ALG5: variants seen among roughly 807,000 people sequenced by gnomAD.
ALG5 encodes the protein ALG5 dolichyl-phosphate beta-glucosyltransferase, also known as dolichyl-phosphate beta-glucosyltransferase.
ALG5 carries 26 observed loss-of-function variants against 51.8 expected under a neutral mutation model. The observed-to-expected ratio is 0.50, with a 90% confidence interval of 0.37 to 0.70. The LOEUF (loss-of-function observed/expected upper bound fraction) is 0.70. Among genes scored for constraint, ALG5 ranks in the 30% least tolerant of loss-of-function variants. The pLI is 0.00. For synonymous variants in ALG5, 141 were observed against 136.1 expected, an observed-to-expected ratio of 1.04 and a Z score of -0.25; for missense variants, 311 against 399.3, an observed-to-expected ratio of 0.78 and a Z score of 1.88.
At chr13:36,978,212 G>T (rs1470249549) in intron 6 of ALG5, among the ~76,000 whole-genome samples, 2 of 146,716 alleles carry the variant, frequency 1.4e-5, no homozygotes, top group African/African-American at 5.0e-5. Flanking sequence ...TTTTGAGACG[G>T]AATCTCACTC....
In ALG5 at chr13:36,972,021, C is replaced by A. The variant is rs1330880391; in HGVS notation, c.577G>T (p.Ala193Ser). Residue 193 changes from alanine to serine, a missense_variant, in exon 7 of 10, where the codon GCA (alanine) becomes TCA (serine). By Grantham distance (99) the Ala-to-Ser change is moderately conservative (BLOSUM62 1). Transcript: ENST00000239891. ...LQPWPNQMAIACGSRAHLEKE... is the reference protein window; with the variant it reads ...LQPWPNQMAISCGSRAHLEKE... Reference sequence around the variant, plus strand: ...TCTAAATGAGCTCGAGATCCACATGCTATAGCCATTTGATTCTGAGGGAAA... The same window carrying A: ...TCTAAATGAGCTCGAGATCCACATGATATAGCCATTTGATTCTGAGGGAAA... 6.3e-7 allele frequency: 1 copy of A among 1,597,398 alleles called. No homozygotes were observed. Among genetic ancestry groups the A allele is most frequent in the East Asian group, 2.2e-5 (1 of 44,510 alleles).
chr13:36,999,314 G>A lies in ALG5; in HGVS notation c.-14C>T, dbSNP rs755285334. 6.4e-7 allele frequency: 1 copy of A among 1,567,372 alleles called. No individual in the cohort carries two copies. The highest frequency in any genetic ancestry group is 8.6e-7 in the Non-Finnish European group (1 of 1,160,020). ...AAGCGGAGCCATTCTCCATGCCGTGGCAGCCCGCCCAATCCCGCACCTCCA... is the reference window on the plus strand; with the variant it reads ...AAGCGGAGCCATTCTCCATGCCGTGACAGCCCGCCCAATCCCGCACCTCCA... On this transcript the variant is annotated 5_prime_UTR_variant, in exon 1 of 10. Coordinates refer to ENST00000239891, the MANE Select transcript of ALG5 (RefSeq NM_013338.5).
chr13:36,978,658 T>A (rs547245224), intron 6 of ALG5, among the ~76,000 whole-genome samples: 38 of 151,794 alleles, frequency 2.5e-4, no homozygotes, highest in African/African-American at 9.2e-4. Flanking sequence ...ACGCCTGTAA[T>A]CCCAGCATTT....
intron 9 of ALG5, among the ~76,000 whole-genome samples, chr13:36,952,171 T>A (rs1256108943): frequency 2.0e-5 from 3 of 152,168 alleles, no homozygotes; most frequent in African/African-American, 4.8e-5. Flanking sequence ...AAAAAAAATA[T>A]AGGAAATGGT....
chr13:36,974,328 T>C (rs369784038), intron 6 of ALG5, among the ~76,000 whole-genome samples: 10 of 152,340 alleles, frequency 6.6e-5, no homozygotes, highest in African/African-American at 2.4e-4. Context: ...CATTTGAATT[T>C]TGAATGACTA....
chr13:36,997,094 TAGA>T (rs1418993368), intron 1 of ALG5, among the ~76,000 whole-genome samples: 3 of 152,304 alleles, frequency 2.0e-5, no homozygotes, highest in East Asian at 3.9e-4. Context: ...AAATTTGAGA[TAGA>T]AGATGTTAAA....
chr13:36,972,654 G>T (rs1221997693), intron 6 of ALG5, among the ~76,000 whole-genome samples: 1 of 152,126 alleles, frequency 6.6e-6, no homozygotes, highest in Non-Finnish European at 1.5e-5. Flanking sequence ...ACACACAGAA[G>T]GTCTTGTCAT....
chr13:36,990,744 T>C (rs2059021790), intron 4 of ALG5, among the ~76,000 whole-genome samples: 1 of 46,442 alleles, frequency 2.2e-5, no homozygotes, highest in African/African-American at 4.4e-5. Flanking sequence ...GGCATCATCA[T>C]CTACTAAGTT....
Position 36,965,589 on chromosome 13 carries a change from T to C in ALG5, c.759A>G (p.Leu253=). 2.5e-6 allele frequency: 4 copies of C among 1,613,798 alleles called. No individual in the cohort carries two copies. In the East Asian group the frequency reaches 8.9e-5, roughly 36 times the overall value. The stretch of plus-strand genomic sequence containing the variant: ...CAGAAACCTACCATCGTTCAACGTG[T>C]AGAGATGAAAACGTCCGTGAAGCTG... ...REAASRTFSS[L]HVERWAFDVE... The change falls in exon 8 of 10, where the codon CTA becomes CTG. Residue 253 remains leucine (L), a synonymous_variant. Transcript: ENST00000239891.
rs531296069 is a variant in ALG5, at chr13:36,984,572, T to G, written c.561+1055A>C. Among the ~76,000 whole-genome samples the G allele has an allele frequency of 1.1e-4, 16 of 152,352 alleles. 1 individual carries two copies. The highest frequency in any genetic ancestry group is 3.8e-4 in the African/African-American group (16 of 41,588). On this transcript the variant is annotated intron_variant, in intron 6 of 9. Transcript: ENST00000239891. ...TTTGTATGCAACTTTAATTCTTTTT[T>G]GTGTAATTATATGTTGGTGTGATTG... is the stretch of plus-strand genomic sequence containing the variant.
chr13:36,967,241 AAAAAG>A (rs1172853816), intron 7 of ALG5, among the ~76,000 whole-genome samples: 18 of 151,782 alleles, frequency 1.2e-4, no homozygotes, highest in Admixed American at 2.0e-4. Flanking sequence ...AAAAAAAGAA[AAAAAG>A]AAAAGAAAAG....
chr13:36,994,966 T>A, intron 3 of ALG5, 23 bp downstream of exon 3: 1 of 1,602,702 alleles, frequency 6.2e-7, no homozygotes, highest in South Asian at 1.1e-5. Flanking sequence ...GGAGATATCA[T>A]ATTAAAAGAG....
At chr13:36,983,410 A>G (rs971133987) in intron 6 of ALG5, among the ~76,000 whole-genome samples, 1 of 152,196 alleles carries the variant, frequency 6.6e-6, no homozygotes, top group African/African-American at 2.4e-5. Flanking sequence ...CAATAAATTC[A>G]TATCATGTTA....
intron 7 of ALG5, chr13:36,967,622 C>G: frequency 3.0e-6 from 1 of 328,432 alleles, no homozygotes; most frequent in Admixed American, 3.9e-5. Context: ...TAGCACTTCT[C>G]ATTTATCATC....
Position 36,985,745 on chromosome 13 carries a change from AT to A in ALG5, c.448-6del, listed in dbSNP as rs2058999294. On this transcript the variant is annotated splice_polypyrimidine_tract_variant and splice_region_variant and intron_variant, in intron 5 of 9. Coordinates refer to ENST00000239891, the MANE Select transcript of ALG5 (RefSeq NM_013338.5). ...TCCTCGAGAACTGAATATACCCTGT[AT>A]TTTAAAATTTCAAGTCAAAGAAAAT... The A allele has an allele frequency of 3.1e-6, 5 of 1,590,410 alleles. No individual in the cohort carries two copies. Among genetic ancestry groups the A allele is most frequent in the Non-Finnish European group, 4.3e-6 (5 of 1,166,634 alleles).
intron 7 of ALG5, among the ~76,000 whole-genome samples, chr13:36,967,096 G>A (rs974401252): frequency 3.3e-5 from 5 of 151,774 alleles, no homozygotes; most frequent in African/African-American, 9.7e-5. Flanking sequence ...GGTGGCACAC[G>A]CCTGTAGTCC....
At chr13:36,995,948 G>A (rs965378819) in intron 1 of ALG5, among the ~76,000 whole-genome samples, 1 of 152,090 alleles carries the variant, frequency 6.6e-6, no homozygotes, top group African/African-American at 2.4e-5. Flanking sequence ...TCCTTAGCGT[G>A]TCTACATGCA....
intron 1 of ALG5, among the ~76,000 whole-genome samples, chr13:36,997,720 C>CTTATCTTCTTT (rs1332047408): frequency 6.6e-6 from 1 of 152,034 alleles, no homozygotes; most frequent in African/African-American, 2.4e-5. Context: ...AAAGAAGGAC[C>CTTATCTTCTTT]TTATCTGTTA....
At chr13:36,951,939 C>G (rs1430209647) in intron 9 of ALG5, among the ~76,000 whole-genome samples, 1 of 152,164 alleles carries the variant, frequency 6.6e-6, no homozygotes, top group Non-Finnish European at 1.5e-5. Flanking sequence ...TGCCTGACAC[C>G]ACGCCCGGCC....
Sources: gnomAD v4.1 joint callset for allele counts (sites outside exome capture counted in the v4.1 genomes callset) on GRCh38, gnomAD v4.1.1 for gene constraint, MANE v1.5 for transcripts, NCBI Gene and HGNC (gene_info 2026-07-23, HGNC 2026-07-21) for gene names.